The following BTN3A3 variants were observed in gnomAD, a reference collection of about 807,000 sequenced individuals.
BTN3A3 encodes butyrophilin 3.
A neutral mutation model predicts 43.2 loss-of-function variants in BTN3A3; 39 were observed. The ratio of observed to expected loss-of-function variants is 0.90; its 90% CI spans 0.70 to 1.18. The LOEUF (loss-of-function observed/expected upper bound fraction) is 1.18, where lower values mean the gene tolerates loss of function less well. BTN3A3 is among the 50% of genes most tolerant of loss of function. BTN3A3 has a pLI of 0.00. For missense variants in BTN3A3, 631 were observed against 722.8 expected, an observed-to-expected ratio of 0.87 and a Z score of 1.46; for synonymous variants, 255 against 272.7, an observed-to-expected ratio of 0.93 and a Z score of 0.64.
intron 10 of BTN3A3, among the ~76,000 whole-genome samples, chr6:26,450,631 C>T (rs1390018188): frequency 2.6e-5 from 4 of 152,290 alleles, no homozygotes; most frequent in South Asian, 4.1e-4. Flanking sequence ...TAAATATCCA[C>T]TGGTCAAAAA....
At chr6:26,443,357 C>G (rs1746456712) in intron 1 of BTN3A3, 25 bp from the exon 2 acceptor site, 3 of 1,126,008 alleles carry the variant, frequency 2.7e-6, no homozygotes, top group Non-Finnish European at 3.6e-6. Flanking sequence ...ATGTCCTGAT[C>G]AGATAACAGA....
intron 4 of BTN3A3, 103 bp downstream of exon 4, chr6:26,444,407 A>G (rs1454713978): frequency 5.3e-5 from 83 of 1,571,652 alleles, no homozygotes; most frequent in Non-Finnish European, 7.1e-5. Flanking sequence ...GCTGCTCACT[A>G]GCAATTGTCT....
intron 4 of BTN3A3, chr6:26,445,422 C>T (rs1192605606): frequency 1.2e-5 from 5 of 402,200 alleles, no homozygotes; most frequent in African/African-American, 2.0e-5. Flanking sequence ...CACAAGTCAA[C>T]TCAAGAAAGT....
At chr6:26,442,601 T>C (rs1472738183) in intron 1 of BTN3A3, among the ~76,000 whole-genome samples, 1 of 152,216 alleles carries the variant, frequency 6.6e-6, no homozygotes, top group Non-Finnish European at 1.5e-5. Flanking sequence ...TTGAATTCCC[T>C]CTGAGGGATG....
intron 1 of BTN3A3, among the ~76,000 whole-genome samples, chr6:26,442,471 G>A (rs1762663104): frequency 6.6e-6 from 1 of 152,150 alleles, no homozygotes; most frequent in Non-Finnish European, 1.5e-5. Context: ...GAAATGTATA[G>A]CTTTGTTTTT....
At position 26,452,384 on chromosome 6, in the gene BTN3A3, A is replaced by G. The variant is rs767305977; in HGVS notation, c.1728A>G (p.Leu576=). 6.2e-7 allele frequency: 1 copy of G among 1,604,472 alleles called. No homozygotes were observed. The highest frequency in any genetic ancestry group is 2.2e-5 in the East Asian group (1 of 44,874). The change falls in exon 11 of 11, where the codon CTA becomes CTG. Residue 576 remains leucine, a synonymous_variant. Coordinates refer to ENST00000244519, the MANE Select transcript of BTN3A3 (RefSeq NM_006994.5). ...CAACAACCAATCAGAACCATAAGCTACAGGCACGCACTGAAGCACTTTACT... is the reference window on the plus strand; with the variant it reads ...CAACAACCAATCAGAACCATAAGCTGCAGGCACGCACTGAAGCACTTTACT... ...PSATTNQNHK[L]QARTEALY is the part of the protein sequence containing the mutation.
Position 26,443,561 on chromosome 6 carries a change from G to C in BTN3A3, c.-5-9G>C. 1 of 1,613,872 alleles carries C rather than the reference G, an allele frequency of 6.2e-7. No homozygotes were observed. Among genetic ancestry groups the C allele is most frequent in the Non-Finnish European group, 8.5e-7 (1 of 1,179,830 alleles). On this transcript the variant is annotated splice_polypyrimidine_tract_variant and intron_variant, in intron 2 of 10. Transcript: ENST00000244519. ...TGTCCCACACCTTCTGGTATCTCTTGATATGCAGCATAGATGAAAATGGCA... is the reference window on the plus strand; with the variant it reads ...TGTCCCACACCTTCTGGTATCTCTTCATATGCAGCATAGATGAAAATGGCA...
intron 9 of BTN3A3, among the ~76,000 whole-genome samples, 192 bp from the exon 10 acceptor site, chr6:26,449,915 T>C (rs573858139): frequency 1.8e-4 from 28 of 152,190 alleles, no homozygotes; most frequent in Admixed American, 1.2e-3. Context: ...GCACCCCCCA[T>C]GGCACAGGGA....
rs138234810 is a variant in BTN3A3, at chr6:26,452,161, T to C, written c.1505T>C (p.Leu502Ser). The C allele has an allele frequency of 2.5e-4, 398 of 1,614,182 alleles. 1 individual carries two copies. In the African/African-American group the frequency reaches 3.8e-3, roughly 16 times the overall value. ...SEPLYPVFRI[L>S]TLEPTALTIC... ...CCTCTATATCCTGTTTTCAGAATTT[T>C]GACCTTGGAGCCCACTGCCCTGACC... Residue 502 changes from leucine (L) to serine (S), a missense_variant, in exon 11 of 11, where the codon TTG (leucine) becomes TCG (serine). Physicochemically the swap from Leu to Ser is moderately radical, Grantham distance 145. This residue lies in a region of BTN3A3 where 551 missense variants were observed against 584.0 expected (regional missense o/e 0.94). Transcript: ENST00000244519.
Position 26,444,281 on chromosome 6 carries a change from C to G in BTN3A3, c.410C>G (p.Ala137Gly). 6.2e-7 allele frequency: 1 copy of G among 1,611,986 alleles called. No homozygotes were observed. The highest frequency in any genetic ancestry group is 8.5e-7 in the Non-Finnish European group (1 of 1,179,846). The part of the protein sequence containing the change: ...YFQDGDFYEK[A>G]LVELKVAALG... ...CAAGATGGTGACTTCTACGAAAAAG[C>G]CCTGGTGGAGCTGAAGGTTGCAGGT... Residue 137 changes from alanine to glycine, a missense_variant, in exon 4 of 11, where the codon GCC becomes GGC. This residue lies in a region of BTN3A3 where 551 missense variants were observed against 584.0 expected (regional missense o/e 0.94). Coordinates refer to ENST00000244519, the MANE Select transcript of BTN3A3 (RefSeq NM_006994.5).
chr6:26,443,847 T>C (rs1762704172), intron 3 of BTN3A3, 110 bp from the exon 4 acceptor site: 3 of 1,527,340 alleles, frequency 2.0e-6, no homozygotes, highest in Admixed American at 3.7e-5. Context: ...GTTAGGATTG[T>C]GTTCCCCTCT....
At position 26,448,510 on chromosome 6, in the gene BTN3A3, C is replaced by A. The variant is rs533266857; in HGVS notation, c.916+62C>A. On this transcript the variant is annotated intron_variant, in intron 6 of 10. Coordinates refer to ENST00000244519, the MANE Select transcript of BTN3A3 (RefSeq NM_006994.5). ...TGCATGCCCCAGCCTGAAGATCTCA[C>A]CCCCATTCCCACCCTGACACTGCAT... The A allele has an allele frequency of 1.6e-4, 260 of 1,607,578 alleles. 1 individual carries two copies. In the South Asian group the frequency reaches 2.6e-3, roughly 16 times the overall value.
chr6:26,443,752 C>T, intron 3 of BTN3A3, 93 bp downstream of exon 3: 3 of 1,517,612 alleles, frequency 2.0e-6, no homozygotes, highest in Non-Finnish European at 2.7e-6. Context: ...TAAATGCCCT[C>T]TTAGAACCTT....
In BTN3A3 at chr6:26,451,664, A is replaced by C; in HGVS notation, c.1019-11A>C. On this transcript the variant is annotated splice_polypyrimidine_tract_variant and intron_variant, in intron 10 of 10. Coordinates refer to ENST00000244519, the MANE Select transcript of BTN3A3 (RefSeq NM_006994.5). The stretch of plus-strand genomic sequence containing the variant: ...GCTGACCCCATGGACACCTCCTCAA[A>C]CTCTCTGCAGCGGATGTGATTCTGG... 1 of 1,602,786 alleles carries C rather than the reference A, an allele frequency of 6.2e-7. No individual in the cohort carries two copies.
Position 26,451,737 on chromosome 6 carries a change from A to T in BTN3A3, c.1081A>T (p.Ser361Cys), listed in dbSNP as rs1347923544. 1 of 1,614,156 alleles carries T rather than the reference A, an allele frequency of 6.2e-7. No homozygotes were observed. The highest frequency in any genetic ancestry group is 1.7e-5 in the Admixed American group (1 of 60,026). The change falls in exon 11 of 11, where the codon AGT (serine) becomes TGT (cysteine). Residue 361 changes from serine (S) to cysteine (C), a missense_variant. Ser to Cys is a moderately radical substitution (Grantham distance 112, BLOSUM62 -1). Coordinates refer to ENST00000244519, the MANE Select transcript of BTN3A3 (RefSeq NM_006994.5). ...CCTCCTTGTTTCTGAGGACCAGAGG[A>T]GTGTGCAGCGTGCTGAAGAGCCGCG... Reference protein sequence around the residue: ...AILLVSEDQRSVQRAEEPRDL... With the variant: ...AILLVSEDQRCVQRAEEPRDL...
chr6:26,446,616 T>C (rs2113837915), intron 5 of BTN3A3, among the ~76,000 whole-genome samples: 1 of 152,360 alleles, frequency 6.6e-6, no homozygotes, highest in African/African-American at 2.4e-5. Flanking sequence ...ACAAGCTCTA[T>C]TGGGGGATCT....
Position 26,445,352 on chromosome 6 carries a change from A to G in BTN3A3, c.434-352A>G, listed in dbSNP as rs1315663026. On this transcript the variant is annotated intron_variant, in intron 4 of 10. Transcript: ENST00000244519. ...AGAAAAGGGAGAGGTCTGGGTGCTT[A>G]TTCCCTGGCTTCCTTCCTGCAAGAT... The G allele has an allele frequency of 1.1e-5, 3 of 269,510 alleles. No individual in the cohort carries two copies. In the Admixed American group the frequency reaches 1.4e-4, roughly 13 times the overall value. The allele number at this position is 269,510 out of a possible 1,614,324, so 16.7% of individuals were successfully genotyped here.
At chr6:26,444,742 G>T (rs929237076) in intron 4 of BTN3A3, 9 of 287,584 alleles carry the variant, frequency 3.1e-5, no homozygotes, top group African/African-American at 4.4e-5. Context: ...AAACATTTTT[G>T]TAGTATAATG....
At chr6:26,445,540 C>A in intron 4 of BTN3A3, 164 bp from the exon 5 acceptor site, 1 of 829,828 alleles carries the variant, frequency 1.2e-6, no homozygotes, top group Non-Finnish European at 1.9e-6. Flanking sequence ...TGGGATACTG[C>A]ACTAGCCCAT....
Sources: allele counts gnomAD v4.1 joint callset (sites outside exome capture counted in the v4.1 genomes callset), GRCh38; gene constraint gnomAD v4.1.1; regional missense constraint gnomAD v4.1.1; transcripts MANE v1.5; gene names NCBI Gene and HGNC (gene_info 2026-07-23, HGNC 2026-07-21).